SNX14: variants seen among roughly 807,000 people sequenced by gnomAD.
SNX14 encodes sorting nexin-14.
A neutral mutation model predicts 133.8 loss-of-function variants in SNX14; 93 were observed. That is an observed-to-expected ratio of 0.70 (90% CI 0.59 to 0.83). The LOEUF is 0.83. SNX14 is among the 40% of genes least tolerant of loss of function. SNX14 has a pLI of 0.00. For missense variants in SNX14, 945 were observed against 1,094.9 expected (o/e 0.86, Z 1.93); for synonymous variants, 368 against 365.6 (o/e 1.01, Z -0.07).
chr6:85,526,129 G>A lies in SNX14; in HGVS notation c.2104C>T (p.Leu702Phe), dbSNP rs777954051. Residue 702 changes from leucine to phenylalanine, a missense_variant, in exon 21 of 29, where the codon CTT becomes TTT. Physicochemically the swap from Leu to Phe is conservative, Grantham distance 22 (BLOSUM62 0). Coordinates refer to ENST00000314673, the MANE Select transcript of SNX14 (RefSeq NM_153816.6). ...FLDKILPDVN[L>F]GKIIKSVPGK... The stretch of plus-strand genomic sequence containing the variant: ...ATGATTCTTTAAATTGACTTACCAA[G>A]ATTTACATCTGGTAGTATCTTATCA... 1 of 1,551,294 alleles carries A rather than the reference G, an allele frequency of 6.4e-7. No homozygotes were observed. The highest frequency in any genetic ancestry group is 1.2e-5 in the South Asian group (1 of 83,340).
At chr6:85,525,105 C>T (rs933847209) in intron 21 of SNX14, among the ~76,000 whole-genome samples, 1 of 152,080 alleles carries the variant, frequency 6.6e-6, no homozygotes, top group African/African-American at 2.4e-5. Flanking sequence ...TATTACAACA[C>T]AAAAACACTT....
At chr6:85,525,293 T>C (rs1427693645) in intron 21 of SNX14, among the ~76,000 whole-genome samples, 1 of 152,176 alleles carries the variant, frequency 6.6e-6, no homozygotes, top group Non-Finnish European at 1.5e-5. Flanking sequence ...TAATTTCCTT[T>C]ACAATAGTAC....
chr6:85,547,309 AT>A lies in SNX14; in HGVS notation c.993+7del. The A allele has an allele frequency of 6.2e-7, 1 of 1,613,110 alleles. No homozygotes were observed. Among genetic ancestry groups the A allele is most frequent in the African/African-American group, 1.3e-5 (1 of 74,942 alleles). On this transcript the variant is annotated splice_region_variant and intron_variant, in intron 11 of 28. Transcript: ENST00000314673. ...TATCAAAAAGGTGTTATTGCTGAAA[AT>A]TCTTACAGATGGCTTTTTATTTCTA... is the stretch of plus-strand genomic sequence containing the variant.
intron 17 of SNX14, among the ~76,000 whole-genome samples, chr6:85,534,745 C>T (rs140257822): frequency 9.9e-5 from 15 of 150,814 alleles, no homozygotes; most frequent in African/African-American, 3.7e-4. Flanking sequence ...CATAATAACA[C>T]GGTTAAATAC....
chr6:85,569,456 A>AT (rs1402288809), intron 4 of SNX14, among the ~76,000 whole-genome samples: 1 of 152,198 alleles, frequency 6.6e-6, no homozygotes, highest in Non-Finnish European at 1.5e-5. Context: ...AATTGCACTG[A>AT]TTTTGAAGGG....
intron 6 of SNX14, among the ~76,000 whole-genome samples, chr6:85,562,752 G>A (rs1425096032): frequency 6.6e-6 from 1 of 151,686 alleles, no homozygotes; most frequent in Non-Finnish European, 1.5e-5. Flanking sequence ...ATTACACCAG[G>A]CTAATTTCTT....
intron 21 of SNX14, among the ~76,000 whole-genome samples, chr6:85,522,239 G>T (rs1020555100): frequency 1.3e-5 from 2 of 152,150 alleles, no homozygotes; most frequent in Non-Finnish European, 2.9e-5. Context: ...GTCCACAGAC[G>T]TATAGATCAG....
intron 14 of SNX14, among the ~76,000 whole-genome samples, chr6:85,542,560 A>G (rs1293909326): frequency 6.6e-6 from 1 of 151,872 alleles, no homozygotes; most frequent in Non-Finnish European, 1.5e-5. Flanking sequence ...ACGCCCAGCT[A>G]GTTTTTTGTA....
intron 6 of SNX14, among the ~76,000 whole-genome samples, chr6:85,559,445 T>C (rs1790822761): frequency 6.6e-6 from 1 of 152,170 alleles, no homozygotes; most frequent in African/African-American, 2.4e-5. Context: ...AATGGTAAAA[T>C]AATGGGTTTG....
chr6:85,534,087 T>C (rs931148834), intron 17 of SNX14, among the ~76,000 whole-genome samples: 2 of 152,140 alleles, frequency 1.3e-5, no homozygotes, highest in Non-Finnish European at 2.9e-5. Flanking sequence ...GTGGGAGGAT[T>C]GCTTGGGCCC....
chr6:85,512,329 A>G (rs1320986637), intron 26 of SNX14, among the ~76,000 whole-genome samples: 1 of 152,142 alleles, frequency 6.6e-6, no homozygotes, highest in African/African-American at 2.4e-5. Context: ...CTCACAAAAA[A>G]AGTGTGGATG....
intron 17 of SNX14, among the ~76,000 whole-genome samples, 175 bp downstream of exon 17, chr6:85,536,617 C>T (rs1365825566): frequency 1.3e-5 from 2 of 152,030 alleles, no homozygotes; most frequent in African/African-American, 4.8e-5. Flanking sequence ...ATGAAACTAT[C>T]ACAACTAATG....
intron 2 of SNX14, among the ~76,000 whole-genome samples, chr6:85,573,213 C>T (rs749702922): frequency 7.2e-5 from 11 of 152,184 alleles, no homozygotes; most frequent in Non-Finnish European, 1.5e-4. Context: ...GGCGCAGTGG[C>T]TCACGCCTGT....
intron 23 of SNX14, among the ~76,000 whole-genome samples, chr6:85,516,181 A>G (rs1774909242): frequency 6.6e-6 from 1 of 152,206 alleles, no homozygotes; most frequent in Non-Finnish European, 1.5e-5. Context: ...CATCTGCTGC[A>G]AAACACTCCT....
At chr6:85,587,027 C>A (rs1212203596) in intron 1 of SNX14, among the ~76,000 whole-genome samples, 1 of 151,954 alleles carries the variant, frequency 6.6e-6, no homozygotes, top group Non-Finnish European at 1.5e-5. Context: ...GCCTAGGTGA[C>A]AAAGTGAGAC....
At chr6:85,509,808 C>T (rs1227261666) in intron 26 of SNX14, among the ~76,000 whole-genome samples, 1 of 152,150 alleles carries the variant, frequency 6.6e-6, no homozygotes, top group African/African-American at 2.4e-5. Flanking sequence ...ATCCTCTCTG[C>T]TCTGCCTATT....
At chr6:85,519,902 T>C (rs1298254311) in intron 21 of SNX14, among the ~76,000 whole-genome samples, 1 of 151,964 alleles carries the variant, frequency 6.6e-6, no homozygotes, top group East Asian at 1.9e-4. Context: ...AAAAAAACTA[T>C]GATTGTGCCA....
intron 26 of SNX14, among the ~76,000 whole-genome samples, chr6:85,508,784 C>T (rs1414470615): frequency 6.6e-6 from 1 of 151,988 alleles, no homozygotes; most frequent in East Asian, 1.9e-4. Context: ...CAAGAAAAGT[C>T]AATCCTTATT....
rs370133778 is a variant in SNX14 at position 85,575,032 on chromosome 6, G to A, written c.141-654C>T. On this transcript the variant is annotated intron_variant, in intron 1 of 28. Coordinates refer to ENST00000314673, the MANE Select transcript of SNX14 (RefSeq NM_153816.6). ...AATAAACAGAAGAGGATAGGATAGA[G>A]GTATGGGAGACTGGAGAAGAGGCAG... 7.2e-5 allele frequency among the ~76,000 whole-genome samples: 11 copies of A among 152,216 alleles called. No homozygotes were observed. In the East Asian group the frequency reaches 2.1e-3, roughly 29 times the overall value.
Sources: gnomAD v4.1 joint callset for allele counts (sites outside exome capture counted in the v4.1 genomes callset) on GRCh38, gnomAD v4.1.1 for gene constraint, MANE v1.5 for transcripts, NCBI Gene and HGNC (gene_info 2026-07-23, HGNC 2026-07-21) for gene names.